Variants in CIMAP1D observed in about 807,000 individuals in gnomAD.
The protein encoded by CIMAP1D is CIMAP1 family member D.
the CIMAP1D span, chr19:467,664 G>A: frequency 7.9e-3 from 12,795 of 1,610,534 alleles, 361 homozygotes; most frequent in African/African-American, 0.087. Context: ...GACTTGGCCC[G>A]GCCCTGCATG....
At chr19:464,475 G>A in the CIMAP1D span, 31 of 702,390 alleles carry the variant, frequency 4.4e-5, no homozygotes, top group Non-Finnish European at 7.8e-5. Context: ...TTCTCAAGCA[G>A]CCTGGGTGCC....
At chr19:468,851 C>T in the CIMAP1D span, among the ~76,000 whole-genome samples, 1 of 45,110 alleles carries the variant, frequency 2.2e-5, no homozygotes, top group East Asian at 5.4e-4. Context: ...CCAGACACGG[C>T]TCCAGACCTC....
chr19:464,451 G>A, the CIMAP1D span: 1 of 791,626 alleles, frequency 1.3e-6, no homozygotes, highest in Admixed American at 2.5e-5. Flanking sequence ...CATGCACCCT[G>A]GAGCTTACAA....
chr19:484,650 T>G, the CIMAP1D span, among the ~76,000 whole-genome samples: 64,882 of 152,012 alleles, frequency 0.43, 14,536 homozygotes, highest in African/African-American at 0.56. Context: ...ACGGGGTGTC[T>G]GGGGAGGGCA....
the CIMAP1D span, among the ~76,000 whole-genome samples, chr19:484,836 A>G: frequency 6.6e-6 from 1 of 152,102 alleles, no homozygotes; most frequent in Non-Finnish European, 1.5e-5. Flanking sequence ...TTTTACCCTG[A>G]GCAGGGTGGG....
the CIMAP1D span, among the ~76,000 whole-genome samples, chr19:476,644 A>T: frequency 4.6e-5 from 7 of 152,242 alleles, no homozygotes; most frequent in African/African-American, 1.7e-4. Context: ...AAGTCTTAGT[A>T]CATATCAAAC....
chr19:484,942 G>A, the CIMAP1D span, among the ~76,000 whole-genome samples: 33 of 152,268 alleles, frequency 2.2e-4, no homozygotes, highest in South Asian at 1.7e-3. Flanking sequence ...AGGGAAGCCC[G>A]GGGGAGGCGA....
the CIMAP1D span, among the ~76,000 whole-genome samples, chr19:488,649 G>A: frequency 2.0e-5 from 3 of 152,212 alleles, no homozygotes; most frequent in Non-Finnish European, 4.4e-5. Context: ...GAAGCGGGCC[G>A]GAAGCCCCGC....
At chr19:486,893 G>A in the CIMAP1D span, among the ~76,000 whole-genome samples, 6 of 151,986 alleles carry the variant, frequency 3.9e-5, no homozygotes, top group East Asian at 2.0e-4. Flanking sequence ...CAGCCTGGGC[G>A]ACAGAGCAAG....
the CIMAP1D span, chr19:467,741 G>C: frequency 6.2e-7 from 1 of 1,606,408 alleles, no homozygotes; most frequent in Non-Finnish European, 8.5e-7. Flanking sequence ...GATGGGGCCC[G>C]GGCTGGTGTC....
At chr19:477,788 G>A in the CIMAP1D span, among the ~76,000 whole-genome samples, 8 of 152,270 alleles carry the variant, frequency 5.3e-5, no homozygotes, top group African/African-American at 1.9e-4. Flanking sequence ...TCAGCCTCCC[G>A]GGTAGCTGGG....
chr19:476,212 C>T, the CIMAP1D span, among the ~76,000 whole-genome samples: 1 of 151,814 alleles, frequency 6.6e-6, no homozygotes, highest in Non-Finnish European at 1.5e-5. Flanking sequence ...TCCACCATGT[C>T]CAGCTAATTT....
the CIMAP1D span, chr19:467,696 C>T: frequency 2.6e-5 from 42 of 1,612,034 alleles, no homozygotes; most frequent in Admixed American, 6.7e-5. Flanking sequence ...GGTGCAGCTG[C>T]GGCCAAAGCG....
At chr19:480,399 A>G in the CIMAP1D span, among the ~76,000 whole-genome samples, 6 of 152,192 alleles carry the variant, frequency 3.9e-5, no homozygotes, top group African/African-American at 1.4e-4. Flanking sequence ...GTGCCGGGAG[A>G]GGGCGTCACA....
the CIMAP1D span, among the ~76,000 whole-genome samples, chr19:481,019 G>A: frequency 6.8e-6 from 1 of 147,414 alleles, no homozygotes; most frequent in Non-Finnish European, 1.5e-5. Context: ...GGAGAATGAT[G>A]ATGGAGAAGG....
the CIMAP1D span, among the ~76,000 whole-genome samples, chr19:465,143 A>AG: frequency 9.5e-6 from 1 of 105,046 alleles, no homozygotes; most frequent in South Asian, 3.4e-4. Flanking sequence ...GGATGGATGG[A>AG]TGGGTGGGTG....
At chr19:469,098 C>G in the CIMAP1D span, among the ~76,000 whole-genome samples, 1 of 152,214 alleles carries the variant, frequency 6.6e-6, no homozygotes, top group Admixed American at 6.5e-5. Flanking sequence ...CAAGGGTGAT[C>G]ACTGACCCTT....
the CIMAP1D span, among the ~76,000 whole-genome samples, chr19:485,380 C>T: frequency 2.2e-3 from 333 of 152,350 alleles, 2 homozygotes; most frequent in African/African-American, 7.7e-3. Flanking sequence ...AGAACAGGTG[C>T]GCAGTGAGTG....
chr19:467,534 A>G, the CIMAP1D span: 1 of 789,754 alleles, frequency 1.3e-6, no homozygotes, highest in Non-Finnish European at 2.3e-6. Context: ...GATCACTCCA[A>G]AGACTCTGCA....
Sources: allele counts gnomAD v4.1 joint callset (sites outside exome capture counted in the v4.1 genomes callset), GRCh38; gene constraint gnomAD v4.1.1; transcripts MANE v1.5; gene names NCBI Gene and HGNC (gene_info 2026-07-23, HGNC 2026-07-21).